Variants in BICC1 observed in about 807,000 individuals in gnomAD.
BICC1 encodes protein bicaudal C homolog 1.
BICC1 carries 43 observed loss-of-function variants against 111.0 expected under a neutral mutation model. The ratio of observed to expected loss-of-function variants is 0.39; its 90% CI spans 0.30 to 0.50. The LOEUF (loss-of-function observed/expected upper bound fraction) is 0.50. BICC1 is among the 20% of genes least tolerant of loss of function. BICC1 has a pLI of 0.88. For missense variants in BICC1, 1,091 were observed against 1,203.2 expected (o/e 0.91, Z 1.38); for synonymous variants, 467 against 434.4 (o/e 1.07, Z -0.93).
chr10:58,531,803 G>A (rs918679725), intron 1 of BICC1, among the ~76,000 whole-genome samples: 25 of 151,612 alleles, frequency 1.6e-4, no homozygotes, highest in African/African-American at 6.0e-4. Context: ...AAAATTATAG[G>A]GGATCAACAG....
intron 2 of BICC1, among the ~76,000 whole-genome samples, chr10:58,697,118 G>C (rs971249983): frequency 1.3e-5 from 2 of 152,176 alleles, no homozygotes; most frequent in Non-Finnish European, 2.9e-5. Context: ...TCATATTTTG[G>C]GTGGGGAATG....
intron 1 of BICC1, among the ~76,000 whole-genome samples, chr10:58,575,313 C>CA (rs138650617): frequency 0.36 from 55,229 of 151,700 alleles, 11,275 homozygotes; most frequent in Admixed American, 0.56. Flanking sequence ...CAAAGATCCC[C>CA]GGGTCCCTGG....
chr10:58,766,021 A>T (rs950108692), intron 3 of BICC1, among the ~76,000 whole-genome samples: 1 of 152,174 alleles, frequency 6.6e-6, no homozygotes, highest in Non-Finnish European at 1.5e-5. Flanking sequence ...TAGAATTTGC[A>T]TTGTGTTACT....
intron 17 of BICC1, among the ~76,000 whole-genome samples, chr10:58,808,428 G>T (rs879467131): frequency 6.6e-6 from 1 of 152,162 alleles, no homozygotes. Flanking sequence ...GTGCCAGATT[G>T]TTGACTGTGT....
intron 1 of BICC1, among the ~76,000 whole-genome samples, chr10:58,524,897 C>A (rs1046431685): frequency 6.6e-6 from 1 of 152,094 alleles, no homozygotes; most frequent in Admixed American, 6.6e-5. Context: ...AACAAGTGGG[C>A]GAAGGATATG....
At chr10:58,523,236 G>T (rs1842439595) in intron 1 of BICC1, among the ~76,000 whole-genome samples, 1 of 152,062 alleles carries the variant, frequency 6.6e-6, no homozygotes, top group Non-Finnish European at 1.5e-5. Context: ...CCAAAGCCTG[G>T]CAGAGCACAA....
At chr10:58,534,469 A>G (rs1001224604) in intron 1 of BICC1, among the ~76,000 whole-genome samples, 4 of 151,756 alleles carry the variant, frequency 2.6e-5, no homozygotes, top group African/African-American at 9.7e-5. Context: ...AAGATTCTCT[A>G]TAACCAAGAA....
At chr10:58,596,776 C>CA (rs1844828338) in intron 1 of BICC1, among the ~76,000 whole-genome samples, 1 of 152,062 alleles carries the variant, frequency 6.6e-6, no homozygotes, top group Admixed American at 6.6e-5. Flanking sequence ...GACAGAGAGC[C>CA]AAATCATGAT....
At chr10:58,681,153 A>G (rs2132360960) in intron 2 of BICC1, among the ~76,000 whole-genome samples, 1 of 152,372 alleles carries the variant, frequency 6.6e-6, no homozygotes, top group African/African-American at 2.4e-5. Flanking sequence ...CAATGGCAAC[A>G]AAAGCCAAAA....
At chr10:58,651,334 C>T (rs1838441498) in intron 2 of BICC1, among the ~76,000 whole-genome samples, 2 of 152,202 alleles carry the variant, frequency 1.3e-5, no homozygotes, top group African/African-American at 4.8e-5. Flanking sequence ...ACATCACCCA[C>T]CACATCACAG....
chr10:58,591,165 T>C (rs1054546885), intron 1 of BICC1, among the ~76,000 whole-genome samples: 6 of 152,214 alleles, frequency 3.9e-5, no homozygotes, highest in Non-Finnish European at 7.3e-5. Flanking sequence ...CTTTAGATGC[T>C]GTTGAGTCAT....
intron 3 of BICC1, among the ~76,000 whole-genome samples, chr10:58,703,506 A>T (rs1447231511): frequency 2.0e-5 from 3 of 152,152 alleles, no homozygotes; most frequent in Non-Finnish European, 4.4e-5. Flanking sequence ...GGAATTGGGA[A>T]CTTATATGCT....
Position 58,591,759 on chromosome 10 carries a change from G to A in BICC1, c.191-29096G>A, listed in dbSNP as rs191673506. ...ATATTATGATTTTAGGAAGGCCATT[G>A]CCTTCTCAAGAGTTTAGGTATGTGC... On this transcript the variant is annotated intron_variant, in intron 1 of 20. Transcript: ENST00000373886. 8.5e-5 allele frequency among the ~76,000 whole-genome samples: 13 copies of A among 152,316 alleles called. No individual in the cohort carries two copies. In the East Asian group the frequency reaches 2.3e-3, roughly 27 times the overall value.
At chr10:58,598,638 A>G (rs956221423) in intron 1 of BICC1, among the ~76,000 whole-genome samples, 3 of 152,194 alleles carry the variant, frequency 2.0e-5, no homozygotes, top group African/African-American at 7.2e-5. Flanking sequence ...GATGGCAACA[A>G]AAGCCAGAAT....
intron 2 of BICC1, among the ~76,000 whole-genome samples, chr10:58,696,671 A>G (rs570277261): frequency 3.9e-5 from 6 of 152,234 alleles, no homozygotes; most frequent in Non-Finnish European, 8.8e-5. Flanking sequence ...AAAATTGAGA[A>G]GAGATTTCTT....
At chr10:58,701,079 G>T (rs1840219825) in intron 2 of BICC1, among the ~76,000 whole-genome samples, 1 of 152,122 alleles carries the variant, frequency 6.6e-6, no homozygotes, top group Non-Finnish European at 1.5e-5. Context: ...AGCCAGTACT[G>T]AGGAGAAAAA....
In BICC1 at chr10:58,806,377, G is replaced by A. The variant is rs3740451; in HGVS notation, c.2182-207G>A. 0.72 allele frequency among the ~76,000 whole-genome samples: 109,968 copies of A among 151,898 alleles called. 39,911 individuals carry two copies. Among genetic ancestry groups the A allele is most frequent in the Admixed American group, 0.75 (11,454 of 15,266 alleles). ...AGTCAACCTTAAAGTCAGAAGTGGTGATTTATTATTACTAATTAATTAGTG... is the reference window on the plus strand; with the variant it reads ...AGTCAACCTTAAAGTCAGAAGTGGTAATTTATTATTACTAATTAATTAGTG... On this transcript the variant is annotated intron_variant, in intron 15 of 20. Coordinates refer to ENST00000373886, the MANE Select transcript of BICC1 (RefSeq NM_001080512.3).
At chr10:58,721,751 G>A (rs565808285) in intron 3 of BICC1, among the ~76,000 whole-genome samples, 11 of 152,120 alleles carry the variant, frequency 7.2e-5, no homozygotes, top group African/African-American at 2.2e-4. Context: ...TTTTCAGCAC[G>A]TAAGCAGGGC....
At chr10:58,574,786 T>A (rs1488819115) in intron 1 of BICC1, among the ~76,000 whole-genome samples, 1 of 152,170 alleles carries the variant, frequency 6.6e-6, no homozygotes, top group Non-Finnish European at 1.5e-5. Context: ...CCCTATTTTC[T>A]AAGACAAAAA....
Sources: gnomAD v4.1 joint callset for allele counts (sites outside exome capture counted in the v4.1 genomes callset) on GRCh38, gnomAD v4.1.1 for gene constraint, MANE v1.5 for transcripts, NCBI Gene and HGNC (gene_info 2026-07-23, HGNC 2026-07-21) for gene names.